Variants in SYT1 observed in about 807,000 individuals in gnomAD.
SYT1 encodes the protein synaptotagmin 1, also known as synaptotagmin-1.
SYT1 carries 8 observed loss-of-function variants against 44.8 expected under a neutral mutation model. The observed-to-expected ratio is 0.18, with a 90% CI of 0.10 to 0.32. SYT1 has a LOEUF of 0.32. Ranked by LOEUF, SYT1 falls within the 10% of genes least tolerant of loss-of-function variation. The probability of loss-of-function intolerance (pLI) is 1.00; values close to 1 mark genes in which losing one functional copy is unlikely to be tolerated. For missense variants in SYT1, 286 were observed against 509.3 expected (o/e 0.56, Z 4.22); for synonymous variants, 154 against 188.8 (o/e 0.82, Z 1.51).
At chr12:79,092,462 A>G (rs751749309) in intron 3 of SYT1, among the ~76,000 whole-genome samples, 2 of 151,746 alleles carry the variant, frequency 1.3e-5, no homozygotes, top group Non-Finnish European at 3.0e-5. Flanking sequence ...TCTGCACACA[A>G]AAGTACACCT....
At chr12:79,220,929 T>A (rs895223634) in intron 4 of SYT1, among the ~76,000 whole-genome samples, 1 of 152,158 alleles carries the variant, frequency 6.6e-6, no homozygotes, top group Non-Finnish European at 1.5e-5. Context: ...ATAATCTGTA[T>A]GTCTGTTGGG....
intron 2 of SYT1, among the ~76,000 whole-genome samples, chr12:78,999,442 T>G (rs1489588386): frequency 6.6e-6 from 1 of 152,190 alleles, no homozygotes; most frequent in Non-Finnish European, 1.5e-5. Flanking sequence ...AAAACCAGGA[T>G]AACCATGATG....
At chr12:79,277,792 TAC>T (rs893498500) in intron 4 of SYT1, among the ~76,000 whole-genome samples, 1 of 151,942 alleles carries the variant, frequency 6.6e-6, no homozygotes, top group African/African-American at 2.4e-5. Flanking sequence ...TAAAGATTCT[TAC>T]AGAGTCAAGA....
At chr12:79,007,870 T>C (rs146689545) in intron 2 of SYT1, among the ~76,000 whole-genome samples, 2,754 of 152,162 alleles carry the variant, frequency 0.018, 39 homozygotes, top group Non-Finnish European at 0.028. Context: ...GGATAAAAAG[T>C]ATGAGTAATG....
chr12:79,421,378 G>A (rs1043730714), intron 9 of SYT1, among the ~76,000 whole-genome samples: 2 of 152,000 alleles, frequency 1.3e-5, no homozygotes, highest in South Asian at 2.1e-4. Context: ...TCTAAGGTGC[G>A]CCATTTAGAG....
At chr12:79,181,592 G>A (rs1382776848) in intron 3 of SYT1, among the ~76,000 whole-genome samples, 1 of 151,712 alleles carries the variant, frequency 6.6e-6, no homozygotes, top group Non-Finnish European at 1.5e-5. Flanking sequence ...TAGTTCCTGA[G>A]ACCCTATGAT....
rs398044555 is a variant in SYT1, at chr12:78,941,065, CT to C, written c.-216-36716del. Among the ~76,000 whole-genome samples the C allele has an allele frequency of 4.0e-3, 271 of 68,448 alleles. 1 individual carries two copies. The highest frequency in any genetic ancestry group is 0.034 in the Middle Eastern group (3 of 88). The allele number at this position is 68,448 out of a possible 152,430, so 44.9% of individuals were successfully genotyped here. The stretch of plus-strand genomic sequence containing the variant: ...CTTTACTTTTTTTTTCTTTTTTTTT[CT>C]TTTTTTTTTTTTTTTTTGAGATGGA... On this transcript the variant is annotated intron_variant, in intron 1 of 10. Transcript: ENST00000261205.
chr12:78,870,241 G>C (rs1163317886), intron 1 of SYT1, among the ~76,000 whole-genome samples: 1 of 152,006 alleles, frequency 6.6e-6, no homozygotes, highest in Non-Finnish European at 1.5e-5. Context: ...CTGTTAAAAA[G>C]ACATTTAGCT....
chr12:79,262,562 G>T (rs1374722025), intron 4 of SYT1, among the ~76,000 whole-genome samples: 1 of 152,134 alleles, frequency 6.6e-6, no homozygotes, highest in East Asian at 1.9e-4. Flanking sequence ...TTGTATTCTT[G>T]AGATTATACC....
chr12:78,986,859 A>G (rs1199576174), intron 2 of SYT1, among the ~76,000 whole-genome samples: 1 of 152,030 alleles, frequency 6.6e-6, no homozygotes, highest in Non-Finnish European at 1.5e-5. Flanking sequence ...CAAAAATGCC[A>G]TCAGCATTGT....
chr12:79,053,762 G>A (rs1418019171), intron 3 of SYT1, among the ~76,000 whole-genome samples: 1 of 151,424 alleles, frequency 6.6e-6, no homozygotes, highest in Non-Finnish European at 1.5e-5. Context: ...AGTTGTTTTT[G>A]TGAACATTTG....
intron 6 of SYT1, among the ~76,000 whole-genome samples, chr12:79,292,526 G>A (rs1196542453): frequency 2.0e-5 from 3 of 152,108 alleles, no homozygotes; most frequent in Non-Finnish European, 4.4e-5. Context: ...GAGTTGGGCC[G>A]CTATTCTAGC....
chr12:79,406,043 A>T (rs1885232111), intron 9 of SYT1, among the ~76,000 whole-genome samples: 1 of 152,112 alleles, frequency 6.6e-6, no homozygotes, highest in African/African-American at 2.4e-5. Context: ...GTAATGGTTT[A>T]AAAAAATTAA....
intron 9 of SYT1, among the ~76,000 whole-genome samples, chr12:79,370,476 G>A (rs1883734678): frequency 6.6e-6 from 1 of 152,092 alleles, no homozygotes; most frequent in African/African-American, 2.4e-5. Context: ...GAAATACTGA[G>A]TTAGGGCCGG....
At position 79,006,931 on chromosome 12, in the gene SYT1, G is replaced by A. The variant is rs184369155; in HGVS notation, c.-84+29000G>A. Reference sequence around the variant, plus strand: ...TGATATATAGCTCCTGATATTTCTTGCTTTGTAAATTTTTTCCAGCCACTA... The same window carrying A: ...TGATATATAGCTCCTGATATTTCTTACTTTGTAAATTTTTTCCAGCCACTA... On this transcript the variant is annotated intron_variant, in intron 2 of 10. Transcript: ENST00000261205. Among the ~76,000 whole-genome samples, 415 of 152,158 alleles carry A rather than the reference G, an allele frequency of 2.7e-3. 1 individual carries two copies. The highest frequency in any genetic ancestry group is 5.0e-3 in the Admixed American group (77 of 15,282).
chr12:79,220,809 A>C (rs1166751278), intron 4 of SYT1, among the ~76,000 whole-genome samples: 1 of 152,090 alleles, frequency 6.6e-6, no homozygotes, highest in African/African-American at 2.4e-5. Context: ...ATATAGTTTT[A>C]ATCTTCTTAA....
chr12:78,973,814 A>G (rs1868548133), intron 1 of SYT1, among the ~76,000 whole-genome samples: 1 of 148,642 alleles, frequency 6.7e-6, no homozygotes, highest in Non-Finnish European at 1.5e-5. Flanking sequence ...ATGCCAAGTG[A>G]TGTTCTAGGT....
chr12:79,332,380 T>C (rs1881893549), intron 8 of SYT1, among the ~76,000 whole-genome samples: 1 of 152,226 alleles, frequency 6.6e-6, no homozygotes, highest in South Asian at 2.1e-4. Context: ...GCAAACCAGA[T>C]GGAAACTAAA....
chr12:79,085,111 G>C (rs1299125751), intron 3 of SYT1, among the ~76,000 whole-genome samples: 5 of 152,138 alleles, frequency 3.3e-5, no homozygotes, highest in African/African-American at 1.2e-4. Context: ...AGGTGTCACT[G>C]TCTCAGCCAC....
Sources: allele counts gnomAD v4.1 joint callset (sites outside exome capture counted in the v4.1 genomes callset), GRCh38; gene constraint gnomAD v4.1.1; transcripts MANE v1.5; gene names NCBI Gene and HGNC (gene_info 2026-07-23, HGNC 2026-07-21).